The following CACNA2D3 variants were observed in gnomAD, a reference collection of about 807,000 sequenced individuals.
CACNA2D3 encodes the protein calcium voltage-gated channel auxiliary subunit alpha2delta 3, also known as voltage-dependent calcium channel subunit alpha-2/delta-3.
Under a neutral mutation model 160.6 loss-of-function variants are expected in CACNA2D3, and 60 were observed. That is an observed-to-expected ratio of 0.37 (90% CI 0.30 to 0.46). CACNA2D3 has a LOEUF of 0.46. Among genes scored for constraint, CACNA2D3 ranks in the 20% least tolerant of loss-of-function variants. The pLI is 1.00. For synonymous variants in CACNA2D3, 558 were observed against 492.9 expected (o/e 1.13, Z -1.75); for missense variants, 1,205 against 1,365.0 (o/e 0.88, Z 1.85).
At chr3:54,504,982 G>T (rs775408764) in intron 5 of CACNA2D3, among the ~76,000 whole-genome samples, 1 of 152,166 alleles carries the variant, frequency 6.6e-6, no homozygotes. Flanking sequence ...AATACAAATT[G>T]CACTTCTGAA....
chr3:54,451,066 G>C (rs1361791831), intron 4 of CACNA2D3, among the ~76,000 whole-genome samples: 1 of 152,024 alleles, frequency 6.6e-6, no homozygotes, highest in African/African-American at 2.4e-5. Context: ...TTTAAGGCCT[G>C]AGAATCATTC....
At chr3:54,517,347 C>CT (rs1701568096) in intron 5 of CACNA2D3, among the ~76,000 whole-genome samples, 1 of 152,206 alleles carries the variant, frequency 6.6e-6, no homozygotes, top group Admixed American at 6.5e-5. Flanking sequence ...ATGGCTAGTT[C>CT]TTAATGACAG....
intron 9 of CACNA2D3, among the ~76,000 whole-genome samples, chr3:54,598,920 G>A (rs1703011695): frequency 6.6e-6 from 1 of 152,166 alleles, no homozygotes; most frequent in Admixed American, 6.5e-5. Flanking sequence ...CGTTTGTGAT[G>A]CTCTGGGTTT....
chr3:54,970,403 T>TTC lies in CACNA2D3; in HGVS notation c.2556+574_2556+575dup, dbSNP rs534457716. On this transcript the variant is annotated intron_variant, in intron 29 of 37. Coordinates refer to ENST00000474759, the MANE Select transcript of CACNA2D3 (RefSeq NM_018398.3). ...TTTTTCTTTTCTTTCTCCTCTTCTGTTCTCTCTCTCTCTCTCCGTCTCCCT... is the reference window on the plus strand; with the variant it reads ...TTTTTCTTTTCTTTCTCCTCTTCTGTTCTCTCTCTCTCTCTCTCCGTCTCCCT... Among the ~76,000 whole-genome samples the TTC allele has an allele frequency of 9.3e-4, 133 of 142,762 alleles. 2 individuals carry two copies. In the East Asian group the frequency reaches 0.023, roughly 25 times the overall value. The allele number at this position is 142,762 out of a possible 152,430, so 93.7% of individuals were successfully genotyped here.
At chr3:54,611,652 A>G (rs1186726647) in intron 9 of CACNA2D3, among the ~76,000 whole-genome samples, 7 of 152,260 alleles carry the variant, frequency 4.6e-5, no homozygotes, top group Admixed American at 4.6e-4. Flanking sequence ...AGGACTATCC[A>G]GTCTCTTTGC....
rs61553160 is a variant in CACNA2D3 at position 54,891,376 on chromosome 3, G to A, written c.2172G>A (p.Glu724=). The change falls in exon 25 of 38, where the codon GAG becomes GAA. Residue 724 remains glutamate, a synonymous_variant. Coordinates refer to ENST00000474759, the MANE Select transcript of CACNA2D3 (RefSeq NM_018398.3). ...NKSENSDKGV[E]VAFLGTRTGL... The stretch of plus-strand genomic sequence containing the variant: ...TCAGAAATTCTGACAAGGGCGTGGA[G>A]GTTGCCTTCCTCGGCACTCGCACGG... 2 of 1,613,886 alleles carry A rather than the reference G, an allele frequency of 1.2e-6. No homozygotes were observed. The highest frequency in any genetic ancestry group is 1.7e-4 in the Middle Eastern group (1 of 6,050).
At chr3:54,854,395 G>T (rs921511282) in intron 17 of CACNA2D3, among the ~76,000 whole-genome samples, 1 of 152,222 alleles carries the variant, frequency 6.6e-6, no homozygotes, top group Admixed American at 6.5e-5. Flanking sequence ...ACTCAAGTCA[G>T]TGGGTGCCTG....
In CACNA2D3 at chr3:54,123,609, G is replaced by A. The variant is rs1188248175; in HGVS notation, c.204+15G>A. On this transcript the variant is annotated intron_variant, in intron 2 of 37. Coordinates refer to ENST00000474759, the MANE Select transcript of CACNA2D3 (RefSeq NM_018398.3). ...TTCTGCAAAAGGTAAGGTTTCTGTG[G>A]TGGCAGGAAGCGATGATTTTTCCGG... The A allele has an allele frequency of 6.2e-7, 1 of 1,605,800 alleles. No homozygotes were observed. The highest frequency in any genetic ancestry group is 8.5e-7 in the Non-Finnish European group (1 of 1,172,450).
At chr3:54,172,488 G>A (rs557000520) in intron 2 of CACNA2D3, among the ~76,000 whole-genome samples, 1 of 152,280 alleles carries the variant, frequency 6.6e-6, no homozygotes, top group African/African-American at 2.4e-5. Flanking sequence ...CTACATATAG[G>A]TGGGGATGAC....
rs373671539 is a variant in CACNA2D3, at chr3:54,896,821, C to T, written c.2319C>T (p.Ala773=). The part of the protein sequence containing the change: ...ADHFPLWYRR[A]AEQIPGSFVY... The stretch of plus-strand genomic sequence containing the variant: ...ATTTCCCTCTCTGGTACCGAAGAGC[C>T]GCTGAGCAGATTCCAGGGAGCTTCG... The change falls in exon 26 of 38, where the codon GCC becomes GCT. Residue 773 remains alanine (A), a synonymous_variant. Coordinates refer to ENST00000474759, the MANE Select transcript of CACNA2D3 (RefSeq NM_018398.3). 3.3e-5 allele frequency: 54 copies of T among 1,613,900 alleles called. No homozygotes were observed. The highest frequency in any genetic ancestry group is 4.2e-5 in the Non-Finnish European group (50 of 1,179,880).
intron 14 of CACNA2D3, among the ~76,000 whole-genome samples, chr3:54,836,091 A>G (rs1210164905): frequency 6.6e-6 from 1 of 152,124 alleles, no homozygotes; most frequent in Non-Finnish European, 1.5e-5. Context: ...GGGACAGAGT[A>G]GGGGTTCCTG....
intron 4 of CACNA2D3, among the ~76,000 whole-genome samples, chr3:54,449,409 T>G (rs1369657407): frequency 6.6e-6 from 1 of 152,224 alleles, no homozygotes; most frequent in African/African-American, 2.4e-5. Flanking sequence ...TGAAAAATAT[T>G]TGCTAATTTG....
chr3:54,478,740 C>T (rs1423948571), intron 4 of CACNA2D3, among the ~76,000 whole-genome samples: 1 of 85,016 alleles, frequency 1.2e-5, no homozygotes, highest in Non-Finnish European at 2.6e-5. Flanking sequence ...TTCCCTTTGT[C>T]AGGTGTATCC....
Position 54,871,529 on chromosome 3 carries a change from C to T in CACNA2D3, c.1627-10C>T, listed in dbSNP as rs377388268. 395 of 1,602,018 alleles carry T rather than the reference C, an allele frequency of 2.5e-4. No homozygotes were observed. Among genetic ancestry groups the T allele is most frequent in the Non-Finnish European group, 3.2e-4 (371 of 1,169,616 alleles). ...TGTTTTTCTTTTCTTTTTCTTCTTC[C>T]CCTTGCTAGTACGAAGAAGGAAAAA... is the stretch of plus-strand genomic sequence containing the variant. On this transcript the variant is annotated splice_polypyrimidine_tract_variant and intron_variant, in intron 17 of 37. Transcript: ENST00000474759.
intron 4 of CACNA2D3, among the ~76,000 whole-genome samples, chr3:54,489,317 C>T (rs746888617): frequency 6.6e-6 from 1 of 152,180 alleles, no homozygotes; most frequent in South Asian, 2.1e-4. Flanking sequence ...ATGTGGGAGA[C>T]GACTGTGTCT....
At chr3:54,576,043 A>G (rs1702575991) in intron 8 of CACNA2D3, among the ~76,000 whole-genome samples, 1 of 152,196 alleles carries the variant, frequency 6.6e-6, no homozygotes, top group African/African-American at 2.4e-5. Flanking sequence ...AATTGGGACA[A>G]CCCATGGAGG....
At chr3:54,256,465 C>T (rs186118508) in intron 2 of CACNA2D3, among the ~76,000 whole-genome samples, 18 of 152,208 alleles carry the variant, frequency 1.2e-4, no homozygotes, top group African/African-American at 4.1e-4. Flanking sequence ...CTTCTCATGC[C>T]GTATAGGGGC....
At chr3:54,522,762 A>C (rs1003537855) in intron 5 of CACNA2D3, among the ~76,000 whole-genome samples, 5 of 152,104 alleles carry the variant, frequency 3.3e-5, no homozygotes, top group African/African-American at 1.2e-4. Flanking sequence ...GCAAACCACT[A>C]TTTTGATAAT....
rs190076065 is a variant in CACNA2D3 at position 54,590,997 on chromosome 3, C to T, written c.963+9120C>T. On this transcript the variant is annotated intron_variant, in intron 9 of 37. Coordinates refer to ENST00000474759, the MANE Select transcript of CACNA2D3 (RefSeq NM_018398.3). ...CTTTTTATTTGGAGAAAAGCTCAGA[C>T]GACAAAGCATTTTTTTTATTAGTAT... Among the ~76,000 whole-genome samples, 16 of 152,170 alleles carry T rather than the reference C, an allele frequency of 1.1e-4. No individual in the cohort carries two copies. The East Asian group carries it at 1.2e-3, about 11-fold the overall frequency.
Sources: gnomAD v4.1 joint callset for allele counts (sites outside exome capture counted in the v4.1 genomes callset) on GRCh38, gnomAD v4.1.1 for gene constraint, MANE v1.5 for transcripts, NCBI Gene and HGNC (gene_info 2026-07-23, HGNC 2026-07-21) for gene names.